RTF2: variants seen among roughly 807,000 people sequenced by gnomAD.
RTF2 encodes the protein replication termination factor 2, also known as UPF0549 protein C20orf43.
A neutral mutation model predicts 38.0 loss-of-function variants in RTF2; 18 were observed. That is an observed-to-expected ratio of 0.47 (90% confidence interval 0.33 to 0.70). The LOEUF (loss-of-function observed/expected upper bound fraction) is 0.70, where lower values mean the gene tolerates loss of function less well. RTF2 is among the 30% of genes least tolerant of loss of function. RTF2 has a pLI of 0.02. For synonymous variants in RTF2, 126 were observed against 137.1 expected, an observed-to-expected ratio of 0.92 and a Z score of 0.57; for missense variants, 311 against 379.6, an observed-to-expected ratio of 0.82 and a Z score of 1.50.
At chr20:56,485,742 TTATTG>T (rs1198752556) in intron 5 of RTF2, among the ~76,000 whole-genome samples, 4 of 152,270 alleles carry the variant, frequency 2.6e-5, no homozygotes, top group African/African-American at 9.6e-5. Context: ...CCAGAAGTAT[TTATTG>T]TGGCTCCCGT....
At chr20:56,511,578 C>T (rs556148120) in intron 5 of RTF2, among the ~76,000 whole-genome samples, 51 of 152,208 alleles carry the variant, frequency 3.4e-4, no homozygotes, top group Middle Eastern at 3.4e-3. Context: ...GTGTTTATAA[C>T]CCTAGTCCAG....
chr20:56,494,013 T>C (rs1464456900), intron 5 of RTF2, among the ~76,000 whole-genome samples: 1 of 152,182 alleles, frequency 6.6e-6, no homozygotes, highest in Non-Finnish European at 1.5e-5. Flanking sequence ...TTCACTTACC[T>C]GAGCCTTGGG....
Position 56,480,181 on chromosome 20 carries a change from A to G in RTF2, c.398+3057A>G, listed in dbSNP as rs115510720. Among the ~76,000 whole-genome samples the G allele has an allele frequency of 5.3e-3, 814 of 152,282 alleles. 4 individuals carry two copies. The highest frequency in any genetic ancestry group is 0.019 in the African/African-American group (788 of 41,558). On this transcript the variant is annotated intron_variant, in intron 4 of 8. Transcript: ENST00000357348. Reference sequence around the variant, plus strand: ...TCTAGTGTACCCATCTTTATTAATGATTTTAGCTAGATTTTCTGGAGAACT... The same window carrying G: ...TCTAGTGTACCCATCTTTATTAATGGTTTTAGCTAGATTTTCTGGAGAACT...
At position 56,488,360 on chromosome 20, in the gene RTF2, C is replaced by CA. The variant is rs961941699; in HGVS notation, c.477+4182dup. Among the ~76,000 whole-genome samples the CA allele has an allele frequency of 1.3e-3, 180 of 137,002 alleles. 1 individual carries two copies. Among genetic ancestry groups the CA allele is most frequent in the Middle Eastern group, 3.7e-3 (1 of 270 alleles). The allele number at this position is 137,002 out of a possible 152,430, so 89.9% of individuals were successfully genotyped here. A position where few individuals can be genotyped will look rare whatever the true frequency, so the allele number is the denominator to read the frequency against. On this transcript the variant is annotated intron_variant, in intron 5 of 8. Coordinates refer to ENST00000357348, the MANE Select transcript of RTF2 (RefSeq NM_016407.5). The stretch of plus-strand genomic sequence containing the variant: ...TGGGCGACAGAGCTAGACTCTGTCT[C>CA]AAAAAAAAAAAGTGCCAATGTAGAG...
chr20:56,495,502 C>T (rs1429259253), intron 5 of RTF2, among the ~76,000 whole-genome samples: 1 of 152,180 alleles, frequency 6.6e-6, no homozygotes, highest in African/African-American at 2.4e-5. Flanking sequence ...GCATGTACTA[C>T]GCTGGCAGTA....
intron 1 of RTF2, among the ~76,000 whole-genome samples, chr20:56,471,964 C>T (rs1981995358): frequency 6.6e-6 from 1 of 152,124 alleles, no homozygotes; most frequent in Non-Finnish European, 1.5e-5. Context: ...TTGGCTTACG[C>T]CTGTAAACTC....
At chr20:56,492,485 C>T (rs1001612644) in intron 5 of RTF2, among the ~76,000 whole-genome samples, 3 of 149,926 alleles carry the variant, frequency 2.0e-5, no homozygotes, top group East Asian at 2.0e-4. Context: ...TTTGGGAGGC[C>T]GAGGCGGGAG....
chr20:56,471,342 G>A (rs1600790454), intron 1 of RTF2, among the ~76,000 whole-genome samples: 2 of 152,154 alleles, frequency 1.3e-5, no homozygotes, highest in Admixed American at 6.6e-5. Context: ...GCTGAAGCAG[G>A]CGGATCATGA....
At chr20:56,487,335 G>C (rs1400031517) in intron 5 of RTF2, among the ~76,000 whole-genome samples, 1 of 152,202 alleles carries the variant, frequency 6.6e-6, no homozygotes, top group East Asian at 1.9e-4. Flanking sequence ...TCAACAGTCT[G>C]TACCTTGCAC....
intron 8 of RTF2, 135 bp from the exon 9 acceptor site, chr20:56,517,952 G>A: frequency 1.3e-6 from 1 of 789,104 alleles, no homozygotes; most frequent in South Asian, 1.7e-5. Context: ...CAATTAAGAT[G>A]ACGTCCGCCA....
intron 5 of RTF2, chr20:56,495,305 G>GA: frequency 6.5e-7 from 1 of 1,548,012 alleles, no homozygotes; most frequent in Non-Finnish European, 8.7e-7. Context: ...CATCTAAGAG[G>GA]AAAACAAAAC....
At chr20:56,476,128 G>A (rs1982228346) in intron 3 of RTF2, among the ~76,000 whole-genome samples, 1 of 152,190 alleles carries the variant, frequency 6.6e-6, no homozygotes, top group South Asian at 2.1e-4. Flanking sequence ...ATAAAGTTGG[G>A]AATTCTTGAA....
chr20:56,519,406 T>C lies in RTF2; in HGVS notation c.*1141T>C, dbSNP rs143455301. 9 of 152,328 alleles carry C rather than the reference T, an allele frequency of 5.9e-5. No homozygotes were observed. In the East Asian group the frequency reaches 1.7e-3, roughly 29 times the overall value. The allele number at this position is 152,328 out of a possible 1,614,324, so 9.4% of individuals were successfully genotyped here. A position where few individuals can be genotyped will look rare whatever the true frequency, so the allele number is the denominator to read the frequency against. On this transcript the variant is annotated 3_prime_UTR_variant, in exon 9 of 9. Transcript: ENST00000357348. The stretch of plus-strand genomic sequence containing the variant: ...GGGAAGGTTTGGCCCCAAGGATATT[T>C]TGACATTGTGAGTATAGAGCATTTT...
Position 56,503,180 on chromosome 20 carries a change from G to A in RTF2, c.478-10135G>A, listed in dbSNP as rs1026477578. 1.6e-4 allele frequency among the ~76,000 whole-genome samples: 24 copies of A among 152,342 alleles called. 1 individual carries two copies. Among genetic ancestry groups the A allele is most frequent in the African/African-American group, 5.8e-4 (24 of 41,580 alleles). The stretch of plus-strand genomic sequence containing the variant: ...TCTTTCTCTCTGAGCTCAGAATGCT[G>A]TCCAAAGCAGCCTCAATGTTAGCAC... On this transcript the variant is annotated intron_variant, in intron 5 of 8. Transcript: ENST00000357348.
chr20:56,473,829 A>G (rs1383885186), intron 2 of RTF2, among the ~76,000 whole-genome samples: 1 of 152,156 alleles, frequency 6.6e-6, no homozygotes, highest in East Asian at 1.9e-4. Context: ...TTGAAGCTGT[A>G]GTAAGCTATA....
At chr20:56,480,779 G>T (rs1366885021) in intron 4 of RTF2, among the ~76,000 whole-genome samples, 1 of 152,168 alleles carries the variant, frequency 6.6e-6, no homozygotes, top group Non-Finnish European at 1.5e-5. Context: ...ATGGGGGAAT[G>T]GCCAGTTCAT....
At chr20:56,481,151 A>G (rs1277269342) in intron 4 of RTF2, among the ~76,000 whole-genome samples, 1 of 152,180 alleles carries the variant, frequency 6.6e-6, no homozygotes, top group African/African-American at 2.4e-5. Flanking sequence ...TAAACACACA[A>G]CATACTGAAA....
intron 1 of RTF2, among the ~76,000 whole-genome samples, chr20:56,470,318 CG>C (rs1476059662): frequency 6.6e-6 from 1 of 152,016 alleles, no homozygotes; most frequent in Non-Finnish European, 1.5e-5. Flanking sequence ...AAACAGGTGT[CG>C]GAAGAGGGTA....
chr20:56,505,752 A>G (rs1568708086), intron 5 of RTF2, among the ~76,000 whole-genome samples: 1 of 152,158 alleles, frequency 6.6e-6, no homozygotes, highest in African/African-American at 2.4e-5. Flanking sequence ...CACAAGAAGC[A>G]AACATACTAG....
Sources: gnomAD v4.1 joint callset for allele counts (sites outside exome capture counted in the v4.1 genomes callset) on GRCh38, gnomAD v4.1.1 for gene constraint, MANE v1.5 for transcripts, NCBI Gene and HGNC (gene_info 2026-07-23, HGNC 2026-07-21) for gene names.